FGD4: variants seen among roughly 807,000 people sequenced by gnomAD.
FGD4 encodes the protein FYVE, RhoGEF and PH domain-containing protein 4.
A neutral mutation model predicts 102.0 loss-of-function variants in FGD4; 42 were observed. That is an observed-to-expected ratio of 0.41 (90% CI 0.32 to 0.53). The LOEUF (loss-of-function observed/expected upper bound fraction) is 0.53, where lower values mean the gene tolerates loss of function less well. FGD4 is among the 20% of genes least tolerant of loss of function. The pLI is 0.21. For missense variants in FGD4, 902 were observed against 1,078.2 expected (o/e 0.84, Z 2.29); for synonymous variants, 380 against 375.7 (o/e 1.01, Z -0.13).
At chr12:32,635,945 G>C (rs918508391) in intron 15 of FGD4, among the ~76,000 whole-genome samples, 1 of 151,848 alleles carries the variant, frequency 6.6e-6, no homozygotes, top group African/African-American at 2.4e-5. Flanking sequence ...CTGGGAGATG[G>C]AGGTTGCAGT....
intron 9 of FGD4, 150 bp from the exon 10 acceptor site, chr12:32,610,987 T>C: frequency 8.0e-7 from 1 of 1,254,948 alleles, no homozygotes; most frequent in East Asian, 2.4e-5. Flanking sequence ...AATAATTCTC[T>C]GAACTTGCTA....
At chr12:32,607,566 G>A (rs1281887575) in intron 7 of FGD4, among the ~76,000 whole-genome samples, 1 of 152,208 alleles carries the variant, frequency 6.6e-6, no homozygotes, top group Non-Finnish European at 1.5e-5. Context: ...CCCAGGCTAA[G>A]TGGCACGATC....
At chr12:32,403,638 C>T (rs1450919786) in intron 1 of FGD4, among the ~76,000 whole-genome samples, 5 of 149,928 alleles carry the variant, frequency 3.3e-5, no homozygotes, top group Admixed American at 1.3e-4. Context: ...TACCCTGTCG[C>T]CAGGCTGGAG....
chr12:32,594,497 TAATAGAA>T (rs1565883268), intron 4 of FGD4, among the ~76,000 whole-genome samples: 1 of 152,134 alleles, frequency 6.6e-6, no homozygotes, highest in African/African-American at 2.4e-5. Flanking sequence ...AATGTAATAA[TAATAGAA>T]ATAAAGTACA....
chr12:32,442,857 C>T (rs1048772312), intron 1 of FGD4, among the ~76,000 whole-genome samples: 8 of 152,142 alleles, frequency 5.3e-5, no homozygotes, highest in African/African-American at 1.7e-4. Context: ...TGTGTCCAGG[C>T]TTCCATCTTT....
intron 1 of FGD4, among the ~76,000 whole-genome samples, chr12:32,400,400 T>C (rs1940608739): frequency 6.6e-6 from 1 of 152,182 alleles, no homozygotes; most frequent in African/African-American, 2.4e-5. Flanking sequence ...AGCAACCTTC[T>C]TAGTGCCTGG....
chr12:32,461,401 T>G (rs1327628251), intron 1 of FGD4, among the ~76,000 whole-genome samples: 1 of 152,192 alleles, frequency 6.6e-6, no homozygotes, highest in African/African-American at 2.4e-5. Context: ...AGCTCACATG[T>G]TATAGAAAAA....
chr12:32,464,590 A>G (rs538756767), intron 1 of FGD4, among the ~76,000 whole-genome samples: 1 of 152,346 alleles, frequency 6.6e-6, no homozygotes, highest in South Asian at 2.1e-4. Flanking sequence ...TAATAGAAGA[A>G]TAAGAATGGA....
intron 1 of FGD4, among the ~76,000 whole-genome samples, chr12:32,464,864 A>C (rs1176086476): frequency 6.6e-6 from 1 of 152,234 alleles, no homozygotes; most frequent in Admixed American, 6.5e-5. Flanking sequence ...AAGAGTTACT[A>C]GAAAATGGGT....
chr12:32,413,915 T>C (rs898058090), intron 1 of FGD4, among the ~76,000 whole-genome samples: 3 of 151,268 alleles, frequency 2.0e-5, no homozygotes, highest in African/African-American at 7.2e-5. Flanking sequence ...TCTTGTACTT[T>C]TGGACAGAAA....
intron 1 of FGD4, among the ~76,000 whole-genome samples, chr12:32,432,998 T>TC (rs200634085): frequency 7.4e-5 from 11 of 149,200 alleles, no homozygotes; most frequent in African/African-American, 1.2e-4. Flanking sequence ...GGAATAAGAT[T>TC]TTTTTTTTTT....
intron 1 of FGD4, among the ~76,000 whole-genome samples, chr12:32,460,033 G>A (rs963733561): frequency 2.6e-5 from 4 of 152,048 alleles, no homozygotes; most frequent in African/African-American, 7.2e-5. Flanking sequence ...TTAGGGAGAC[G>A]AGGCCTTTAC....
Position 32,576,307 on chromosome 12 carries a change from A to G in FGD4, c.361A>G (p.Asn121Asp). 6.2e-7 allele frequency: 1 copy of G among 1,613,012 alleles called. No individual in the cohort carries two copies. The highest frequency in any genetic ancestry group is 8.5e-7 in the Non-Finnish European group (1 of 1,179,402). Residue 121 changes from asparagine to aspartate, a missense_variant, in exon 3 of 17, where the codon AAT becomes GAT. Coordinates refer to ENST00000534526, the MANE Select transcript of FGD4 (RefSeq NM_001370298.3). ...PLHLQNSPSS[N>D]IHQTPRHKAL... is the part of the protein sequence containing the mutation. ...ACACCTGCAGAATTCACCTTCGTCC[A>G]ATATACACCAAACCCCCAGGCATAA...
intron 1 of FGD4, among the ~76,000 whole-genome samples, chr12:32,516,907 A>T (rs1030662021): frequency 1.3e-5 from 2 of 152,226 alleles, no homozygotes; most frequent in Non-Finnish European, 2.9e-5. Context: ...TAATGAATAC[A>T]TATCTAAGAC....
chr12:32,599,534 C>CTTTTTTTTTTTTTTTTTTTTTTTTTTT lies in FGD4; in HGVS notation c.1101+952_1101+978dup, dbSNP rs764106230. 1.1e-4 allele frequency among the ~76,000 whole-genome samples: 4 copies of CTTTTTTTTTTTTTTTTTTTTTTTTTTT among 35,352 alleles called. 1 individual carries two copies. Among genetic ancestry groups the CTTTTTTTTTTTTTTTTTTTTTTTTTTT allele is most frequent in the African/African-American group, 3.8e-4 (3 of 7,900 alleles). The allele number at this position is 35,352 out of a possible 152,430, so 23.2% of individuals were successfully genotyped here. On this transcript the variant is annotated intron_variant, in intron 5 of 16. Transcript: ENST00000534526. ...GAATAACTTTTGAAAACTAAGGCAT[C>CTTTTTTTTTTTTTTTTTTTTTTTTTTT]TTTTTTTTTTTTTTTTTTTTTTTTT...
rs199994771 is a variant in FGD4, at chr12:32,461,555, G to GT, written c.166+61597dup. On this transcript the variant is annotated intron_variant, in intron 1 of 16. Transcript: ENST00000534526. ...TAGCAGAAGTGGAATTTGAATCCAC[G>GT]TATTTGCACAGAGCACTGAAAGCTC... 3.9e-4 allele frequency among the ~76,000 whole-genome samples: 60 copies of GT among 152,170 alleles called. 2 individuals are homozygous for GT. The East Asian group carries it at 9.9e-3, about 25-fold the overall frequency.
At chr12:32,589,262 A>G (rs1231023793) in intron 4 of FGD4, among the ~76,000 whole-genome samples, 1 of 152,254 alleles carries the variant, frequency 6.6e-6, no homozygotes, top group Non-Finnish European at 1.5e-5. Flanking sequence ...TAATAGATCC[A>G]AATTTCAACA....
intron 1 of FGD4, among the ~76,000 whole-genome samples, chr12:32,413,075 TC>T (rs931953015): frequency 6.6e-6 from 1 of 150,956 alleles, no homozygotes; most frequent in African/African-American, 2.4e-5. Flanking sequence ...AGACTCTGTC[TC>T]CAAAAAAAAA....
chr12:32,451,878 TA>T (rs1433145803), intron 1 of FGD4, among the ~76,000 whole-genome samples: 1 of 140,904 alleles, frequency 7.1e-6, no homozygotes. Context: ...AGTTACTACT[TA>T]AGATCATGCT....
Sources: gnomAD v4.1 joint callset for allele counts (sites outside exome capture counted in the v4.1 genomes callset) on GRCh38, gnomAD v4.1.1 for gene constraint, MANE v1.5 for transcripts, NCBI Gene and HGNC (gene_info 2026-07-23, HGNC 2026-07-21) for gene names.